CCDC69: variants seen among roughly 807,000 people sequenced by gnomAD.
The protein encoded by CCDC69 is coiled-coil domain containing 69.
A neutral mutation model predicts 40.3 loss-of-function variants in CCDC69; 38 were observed. The ratio of observed to expected loss-of-function variants is 0.94; its 90% CI spans 0.73 to 1.24. The LOEUF is 1.24. Among genes scored for constraint, CCDC69 ranks in the 50% most tolerant of loss-of-function variants. CCDC69 has a pLI of 0.00. For missense variants in CCDC69, 389 were observed against 357.9 expected (o/e 1.09, Z -0.70); for synonymous variants, 141 against 138.9 (o/e 1.02, Z -0.11).
At chr5:151,206,346 G>A (rs977823229) in intron 1 of CCDC69, among the ~76,000 whole-genome samples, 2 of 151,994 alleles carry the variant, frequency 1.3e-5, no homozygotes, top group Non-Finnish European at 2.9e-5. Flanking sequence ...CAATCCTCTC[G>A]GGTTTTTCAT....
intron 5 of CCDC69, among the ~76,000 whole-genome samples, chr5:151,186,453 G>A (rs1046658159): frequency 6.6e-6 from 1 of 151,590 alleles, no homozygotes; most frequent in African/African-American, 2.4e-5. Context: ...GAGGGAGGGA[G>A]AAGGAGAAGG....
At chr5:151,206,371 G>A (rs754993233) in intron 1 of CCDC69, among the ~76,000 whole-genome samples, 85 of 152,198 alleles carry the variant, frequency 5.6e-4, no homozygotes, top group Non-Finnish European at 1.1e-3. Flanking sequence ...GCTTCATTAT[G>A]TAGGCATGAT....
rs1469649639 is a variant in CCDC69 at position 151,186,047 on chromosome 5, G to T, written c.471C>A (p.Ser157Arg). 4.3e-6 allele frequency: 7 copies of T among 1,613,708 alleles called. No individual in the cohort carries two copies. The highest frequency in any genetic ancestry group is 1.3e-5 in the African/African-American group (1 of 74,864). The change falls in exon 6 of 9, where the codon AGC (serine) becomes AGA (arginine). Residue 157 changes from serine (S) to arginine (R), a missense_variant. Physicochemically the swap from Ser to Arg is moderately radical, Grantham distance 110. Coordinates refer to ENST00000355417, the MANE Select transcript of CCDC69 (RefSeq NM_015621.3). Reference protein sequence around the residue: ...KMKRVEESILSRNYKKHIQDY... With the variant: ...KMKRVEESILRRNYKKHIQDY... ...CCTGGATATGTTTCTTATAGTTTCG[G>T]CTCAGAATGGACTCCTCCACCCTCT...
In CCDC69 at chr5:151,183,030, C is replaced by A. The variant is rs545124286; in HGVS notation, c.*407G>T. ...TGAGCAGGCCAGGGTGGAGTGGAAA[C>A]ACCTAGAGGAAGTTGATAAGTCAGC... On this transcript the variant is annotated 3_prime_UTR_variant, in exon 9 of 9. Transcript: ENST00000355417. The A allele has an allele frequency of 6.1e-4, 283 of 462,692 alleles. 2 individuals are homozygous for A. The highest frequency in any genetic ancestry group is 5.1e-3 in the African/African-American group (258 of 50,486). 28.7% of individuals were successfully genotyped at this position (462,692 alleles called of 1,614,324 possible). A position where few individuals can be genotyped will look rare whatever the true frequency, so the allele number is the denominator to read the frequency against.
At chr5:151,217,593 G>A (rs1241977329) in intron 1 of CCDC69, among the ~76,000 whole-genome samples, 11 of 152,316 alleles carry the variant, frequency 7.2e-5, no homozygotes, top group Non-Finnish European at 1.0e-4. Flanking sequence ...GGCTCTGAGG[G>A]AGGATCTGTT....
intron 1 of CCDC69, 49 bp downstream of exon 1, chr5:151,223,874 C>T: frequency 1.9e-6 from 3 of 1,570,020 alleles, no homozygotes; most frequent in Non-Finnish European, 1.7e-6. Context: ...GGAGCGATTC[C>T]GCACTCCCCT....
At chr5:151,186,202 G>T in intron 5 of CCDC69, 78 bp from the exon 6 acceptor site, 1 of 1,000,072 alleles carries the variant, frequency 1.0e-6, no homozygotes, top group Non-Finnish European at 1.6e-6. Context: ...CATCCCAGAG[G>T]GAGAACGGTT....
At chr5:151,199,700 T>C (rs1752751481) in intron 3 of CCDC69, among the ~76,000 whole-genome samples, 2 of 152,148 alleles carry the variant, frequency 1.3e-5, no homozygotes, top group Admixed American at 1.3e-4. Context: ...TCCTGGGTAA[T>C]GAGCTCCCTC....
In CCDC69 at chr5:151,205,387, G is replaced by A. The variant is rs376601054; in HGVS notation, c.124+13C>T. The A allele has an allele frequency of 2.5e-6, 4 of 1,609,212 alleles. No individual in the cohort carries two copies. The highest frequency in any genetic ancestry group is 3.4e-6 in the Non-Finnish European group (4 of 1,175,578). On this transcript the variant is annotated intron_variant, in intron 2 of 8. Transcript: ENST00000355417. ...AGATGGCAGTTGGGGCCTTTGTGGGGCTGGCTACTCACCTGTGTCCCCATT... is the reference window on the plus strand; with the variant it reads ...AGATGGCAGTTGGGGCCTTTGTGGGACTGGCTACTCACCTGTGTCCCCATT...
At chr5:151,218,635 C>G (rs554140850) in intron 1 of CCDC69, among the ~76,000 whole-genome samples, 9 of 152,178 alleles carry the variant, frequency 5.9e-5, no homozygotes, top group Non-Finnish European at 1.3e-4. Context: ...AGGGGGCAGC[C>G]CCTCCTAACC....
intron 1 of CCDC69, among the ~76,000 whole-genome samples, chr5:151,208,429 CA>C (rs1335169930): frequency 6.6e-6 from 1 of 152,248 alleles, no homozygotes; most frequent in African/African-American, 2.4e-5. Context: ...GCTTCTCCCC[CA>C]TGGTGCTGGG....
intron 1 of CCDC69, among the ~76,000 whole-genome samples, chr5:151,217,487 G>A (rs1028080487): frequency 1.3e-5 from 2 of 152,172 alleles, no homozygotes; most frequent in African/African-American, 4.8e-5. Context: ...AAATTACCAC[G>A]CACTTGGTGG....
Position 151,224,088 on chromosome 5 carries a change from A to C in CCDC69, c.-118T>G. 1 of 886,220 alleles carries C rather than the reference A, an allele frequency of 1.1e-6. No homozygotes were observed. The highest frequency in any genetic ancestry group is 1.6e-6 in the Non-Finnish European group (1 of 614,782). The allele number at this position is 886,220 out of a possible 1,614,324, so 54.9% of individuals were successfully genotyped here. A position where few individuals can be genotyped will look rare whatever the true frequency, so the allele number is the denominator to read the frequency against. On this transcript the variant is annotated 5_prime_UTR_variant, in exon 1 of 9. Coordinates refer to ENST00000355417, the MANE Select transcript of CCDC69 (RefSeq NM_015621.3). ...GGCTGGGGCTGCCGGCGAGACCCTGAAACTGAACCTGGAAGCGCTGTCTTG... is the reference window on the plus strand; with the variant it reads ...GGCTGGGGCTGCCGGCGAGACCCTGCAACTGAACCTGGAAGCGCTGTCTTG...
chr5:151,183,868 A>C (rs1766680925), intron 8 of CCDC69, among the ~76,000 whole-genome samples: 1 of 152,248 alleles, frequency 6.6e-6, no homozygotes, highest in Non-Finnish European at 1.5e-5. Context: ...TGAATAAGTT[A>C]TTCATTCTTC....
chr5:151,193,038 T>C (rs1285387052), intron 4 of CCDC69, among the ~76,000 whole-genome samples: 4 of 152,198 alleles, frequency 2.6e-5, no homozygotes, highest in Non-Finnish European at 4.4e-5. Context: ...CTAGAGATGA[T>C]TTAAAATGTA....
intron 1 of CCDC69, among the ~76,000 whole-genome samples, chr5:151,207,436 C>T (rs929379355): frequency 8.6e-5 from 13 of 151,886 alleles, no homozygotes; most frequent in Admixed American, 3.3e-4. Flanking sequence ...GGACTACAGG[C>T]GCCCGCCACC....
intron 2 of CCDC69, among the ~76,000 whole-genome samples, chr5:151,202,627 T>G (rs533526120): frequency 2.0e-5 from 3 of 152,340 alleles, no homozygotes; most frequent in African/African-American, 7.2e-5. Context: ...CTTTACCTGC[T>G]GGGGCCCATG....
At chr5:151,183,689 G>A in intron 8 of CCDC69, 75 bp from the exon 9 acceptor site, 3 of 1,384,854 alleles carry the variant, frequency 2.2e-6, no homozygotes. Context: ...CCCCCAGGAA[G>A]CCTTCCTTAG....
intron 1 of CCDC69, among the ~76,000 whole-genome samples, chr5:151,222,284 C>T (rs1024538500): frequency 2.0e-5 from 3 of 152,360 alleles, no homozygotes; most frequent in East Asian, 3.9e-4. Context: ...CTTTACTTGC[C>T]CTTCAGAGCT....
Sources: allele counts gnomAD v4.1 joint callset (sites outside exome capture counted in the v4.1 genomes callset), GRCh38; gene constraint gnomAD v4.1.1; transcripts MANE v1.5; gene names NCBI Gene and HGNC (gene_info 2026-07-23, HGNC 2026-07-21).